The following RALYL variants were observed in gnomAD, a reference collection of about 807,000 sequenced individuals.
RALYL encodes the protein RALY RNA binding protein like.
In RALYL, 29 loss-of-function variants were observed where a neutral mutation model predicts 35.1. The ratio of observed to expected loss-of-function variants is 0.83; its 90% CI spans 0.61 to 1.13. The LOEUF (loss-of-function observed/expected upper bound fraction) is 1.13. Ranked by LOEUF, RALYL falls within the 50% of genes most tolerant of loss-of-function variation. The pLI is 0.00. For missense variants in RALYL, 359 were observed against 360.4 expected, an observed-to-expected ratio of 1.00 and a Z score of 0.03; for synonymous variants, 120 against 127.6, an observed-to-expected ratio of 0.94 and a Z score of 0.40.
intron 2 of RALYL, among the ~76,000 whole-genome samples, chr8:84,754,056 T>C (rs902176524): frequency 4.6e-5 from 7 of 151,848 alleles, no homozygotes; most frequent in African/African-American, 1.7e-4. Flanking sequence ...GTCAGATGAG[T>C]AGGTTGCGAA....
intron 8 of RALYL, among the ~76,000 whole-genome samples, chr8:84,905,813 AT>A (rs141147089): frequency 6.6e-6 from 1 of 150,464 alleles, no homozygotes; most frequent in Non-Finnish European, 1.5e-5. Flanking sequence ...TATGCATACT[AT>A]TTTTTTTAAT....
chr8:84,208,955 A>G (rs1390266449), intron 1 of RALYL, among the ~76,000 whole-genome samples: 2 of 151,936 alleles, frequency 1.3e-5, no homozygotes, highest in Non-Finnish European at 2.9e-5. Flanking sequence ...TAGCTGGAAG[A>G]CTGTATTGGC....
intron 2 of RALYL, among the ~76,000 whole-genome samples, chr8:84,747,807 A>T (rs1215335847): frequency 1.3e-5 from 2 of 151,990 alleles, no homozygotes; most frequent in East Asian, 3.8e-4. Flanking sequence ...GACAGAATCT[A>T]AATCATGTGA....
intron 2 of RALYL, among the ~76,000 whole-genome samples, chr8:84,550,104 C>T (rs944785998): frequency 2.0e-5 from 3 of 152,054 alleles, no homozygotes; most frequent in Non-Finnish European, 4.4e-5. Context: ...TTGTTCTTTT[C>T]CTTCATTTCC....
At chr8:84,373,642 C>T (rs184322425) in intron 1 of RALYL, among the ~76,000 whole-genome samples, 67 of 152,110 alleles carry the variant, frequency 4.4e-4, no homozygotes, top group African/African-American at 1.6e-3. Flanking sequence ...AGTTTGACGT[C>T]AGGTAGCGTG....
intron 1 of RALYL, among the ~76,000 whole-genome samples, chr8:84,468,448 C>G (rs947058712): frequency 1.3e-5 from 2 of 150,520 alleles, no homozygotes; most frequent in African/African-American, 4.8e-5. Context: ...AAATTCTTTT[C>G]TTTAAGAATG....
At chr8:84,817,555 A>ATTG (rs1463078123) in intron 4 of RALYL, among the ~76,000 whole-genome samples, 6 of 149,796 alleles carry the variant, frequency 4.0e-5, no homozygotes, top group Non-Finnish European at 7.4e-5. Flanking sequence ...TATTATTATT[A>ATTG]TTATTATTAA....
At chr8:84,565,860 C>A (rs973873740) in intron 2 of RALYL, among the ~76,000 whole-genome samples, 2 of 151,554 alleles carry the variant, frequency 1.3e-5, no homozygotes, top group African/African-American at 4.8e-5. Flanking sequence ...TTAATACCAC[C>A]TACCTTGGGG....
chr8:84,453,634 A>T (rs1285987968), intron 1 of RALYL, among the ~76,000 whole-genome samples: 1 of 136,024 alleles, frequency 7.4e-6, no homozygotes, highest in Non-Finnish European at 1.5e-5. Context: ...AGGAAAGGAC[A>T]ATTAATTTAA....
At chr8:84,416,394 G>A (rs57193479) in intron 1 of RALYL, among the ~76,000 whole-genome samples, 1,851 of 152,264 alleles carry the variant, frequency 0.012, 43 homozygotes, top group African/African-American at 0.042. Context: ...AGGCCCAGGG[G>A]CAGGTAAGGC....
intron 1 of RALYL, among the ~76,000 whole-genome samples, chr8:84,491,837 G>A (rs773996243): frequency 8.6e-5 from 13 of 151,904 alleles, no homozygotes; most frequent in Admixed American, 1.3e-4. Flanking sequence ...TGAGAAGGAA[G>A]TTGTCCTAGA....
intron 1 of RALYL, among the ~76,000 whole-genome samples, chr8:84,347,594 G>A (rs769900250): frequency 1.9e-4 from 29 of 151,988 alleles, no homozygotes; most frequent in African/African-American, 4.8e-4. Context: ...CCTTCTTCTC[G>A]TCTCTCAAAC....
chr8:84,835,733 A>G (rs187006585), intron 4 of RALYL, among the ~76,000 whole-genome samples: 37 of 151,690 alleles, frequency 2.4e-4, no homozygotes, highest in African/African-American at 7.7e-4. Flanking sequence ...GAAAGAATAT[A>G]CCACATATGT....
chr8:84,644,264 C>A (rs1488347230), intron 2 of RALYL, among the ~76,000 whole-genome samples: 1 of 151,866 alleles, frequency 6.6e-6, no homozygotes, highest in South Asian at 2.1e-4. Flanking sequence ...GACTCTTTAG[C>A]CTAAAACAAT....
At chr8:84,771,037 T>C (rs77299906) in intron 2 of RALYL, among the ~76,000 whole-genome samples, 5,032 of 152,024 alleles carry the variant, frequency 0.033, 275 homozygotes, top group African/African-American at 0.12. Context: ...GCACAGAAGC[T>C]TTTTTTTCTA....
intron 1 of RALYL, among the ~76,000 whole-genome samples, chr8:84,231,391 C>A (rs904248699): frequency 6.6e-6 from 1 of 152,122 alleles, no homozygotes; most frequent in Non-Finnish European, 1.5e-5. Flanking sequence ...TCACATTAAT[C>A]ACATATAAGA....
intron 4 of RALYL, among the ~76,000 whole-genome samples, chr8:84,823,578 C>A (rs1828966119): frequency 6.6e-6 from 1 of 152,032 alleles, no homozygotes; most frequent in African/African-American, 2.4e-5. Flanking sequence ...GACTAGAAAG[C>A]CCTGAATATG....
intron 2 of RALYL, among the ~76,000 whole-genome samples, chr8:84,655,479 T>G (rs1220421460): frequency 6.6e-6 from 1 of 151,820 alleles, no homozygotes; most frequent in African/African-American, 2.4e-5. Context: ...CAGGTGCACA[T>G]CACCATGCGC....
intron 1 of RALYL, among the ~76,000 whole-genome samples, chr8:84,460,031 C>A (rs928682717): frequency 6.6e-6 from 1 of 151,496 alleles, no homozygotes; most frequent in South Asian, 2.1e-4. Flanking sequence ...GAAGTGTAGT[C>A]GAAGCAATGA....
Sources: allele counts gnomAD v4.1 joint callset (sites outside exome capture counted in the v4.1 genomes callset), GRCh38; gene constraint gnomAD v4.1.1; transcripts MANE v1.5; gene names NCBI Gene and HGNC (gene_info 2026-07-23, HGNC 2026-07-21).